SNAP23: variants seen among roughly 807,000 people sequenced by gnomAD.
SNAP23 encodes the protein synaptosome associated protein 23.
Under a neutral mutation model 29.0 loss-of-function variants are expected in SNAP23, and 11 were observed. The ratio of observed to expected loss-of-function variants is 0.38; its 90% CI spans 0.24 to 0.63. SNAP23 has a LOEUF of 0.63. Ranked by LOEUF, SNAP23 falls within the 20% of genes least tolerant of loss-of-function variation. SNAP23 has a pLI of 0.58. For synonymous variants in SNAP23, 60 were observed against 82.9 expected (o/e 0.72, Z 1.50); for missense variants, 220 against 253.9 (o/e 0.87, Z 0.91).
intron 5 of SNAP23, chr15:42,521,579 T>G (rs2057449896): frequency 6.5e-7 from 1 of 1,531,536 alleles, no homozygotes; most frequent in African/African-American, 1.4e-5. Flanking sequence ...TCTCACCTAA[T>G]CTCTTCCTTT....
intron 5 of SNAP23, among the ~76,000 whole-genome samples, chr15:42,523,237 T>C (rs1376177931): frequency 3.3e-5 from 5 of 152,154 alleles, no homozygotes; most frequent in Non-Finnish European, 7.3e-5. Flanking sequence ...AACAGTCAGT[T>C]GTAAATCTAA....
intron 1 of SNAP23, among the ~76,000 whole-genome samples, chr15:42,497,456 G>A (rs1425935144): frequency 6.6e-6 from 1 of 151,796 alleles, no homozygotes; most frequent in Non-Finnish European, 1.5e-5. Context: ...TTATCCACCG[G>A]CCTCCGCCTC....
chr15:42,525,053 A>G (rs992084232), intron 5 of SNAP23, among the ~76,000 whole-genome samples: 1 of 152,190 alleles, frequency 6.6e-6, no homozygotes, highest in East Asian at 1.9e-4. Flanking sequence ...AAACATGCCA[A>G]CACAATGCAA....
chr15:42,532,627 C>T lies in SNAP23; in HGVS notation c.*1149C>T, dbSNP rs2057577618. On this transcript the variant is annotated 3_prime_UTR_variant, in exon 8 of 8. Transcript: ENST00000249647. ...GTAACATGAGAATTTCTCTCTAAAG[C>T]AGGGCTTAAAATTTTTTGGAAAAGT... The T allele has an allele frequency of 6.6e-6, 1 of 152,524 alleles. No homozygotes were observed. The highest frequency in any genetic ancestry group is 2.4e-5 in the African/African-American group (1 of 41,410). 9.4% of individuals were successfully genotyped at this position (152,524 alleles called of 1,614,324 possible).
chr15:42,496,067 T>C (rs563476185), intron 1 of SNAP23: 40 of 152,422 alleles, frequency 2.6e-4, no homozygotes, highest in African/African-American at 8.9e-4. Context: ...AGATAATGGC[T>C]TGAGGAAGGA....
intron 6 of SNAP23, 138 bp downstream of exon 6, chr15:42,528,558 T>C: frequency 1.1e-6 from 1 of 880,682 alleles, no homozygotes; most frequent in Non-Finnish European, 1.7e-6. Context: ...TTTAAAAATC[T>C]GCCCACTGAC....
At chr15:42,513,320 T>C (rs1385677829) in intron 3 of SNAP23, 79 bp from the exon 4 acceptor site, 1 of 1,266,664 alleles carries the variant, frequency 7.9e-7, no homozygotes, top group Non-Finnish European at 1.2e-6. Flanking sequence ...TAAATTATTC[T>C]GTGTTGCTCT....
intron 5 of SNAP23, chr15:42,521,734 G>A: frequency 1.4e-6 from 1 of 709,570 alleles, no homozygotes; most frequent in Non-Finnish European, 2.4e-6. Flanking sequence ...GCTTTTCTGT[G>A]CATGTGCATG....
intron 2 of SNAP23, 150 bp downstream of exon 2, chr15:42,512,053 T>G: frequency 2.4e-6 from 1 of 417,714 alleles, no homozygotes; most frequent in Non-Finnish European, 4.3e-6. Flanking sequence ...CTGGTTTTTA[T>G]TTTCTTTTTA....
chr15:42,529,535 T>A (rs1232451064), intron 6 of SNAP23, 140 bp from the exon 7 acceptor site: 12 of 777,612 alleles, frequency 1.5e-5, no homozygotes, highest in Non-Finnish European at 2.4e-5. Flanking sequence ...ATAGAATGTT[T>A]CCCAGGAATG....
intron 1 of SNAP23, among the ~76,000 whole-genome samples, chr15:42,506,583 C>T: frequency 6.6e-6 from 1 of 152,168 alleles, no homozygotes. Context: ...TTATTTTCAG[C>T]TTCTGAAATA....
intron 5 of SNAP23, among the ~76,000 whole-genome samples, chr15:42,521,167 T>G (rs892782256): frequency 1.3e-5 from 2 of 152,198 alleles, no homozygotes; most frequent in Non-Finnish European, 2.9e-5. Context: ...CACTTGTTGA[T>G]TTGAGTGTCC....
At chr15:42,491,901 T>TTTGTTTAGTTAGTTAG (rs1802265457), upstream of SNAP23, among the ~76,000 whole-genome samples, 3 of 146,862 alleles carry the variant, frequency 2.0e-5, no homozygotes, top group Admixed American at 6.8e-5. Context: ...TATTTATTTA[T>TTTGTTTAGTTAGTTAG]TTAGTTAGTT....
At chr15:42,509,037 T>C (rs2141519106) in intron 1 of SNAP23, among the ~76,000 whole-genome samples, 2 of 152,202 alleles carry the variant, frequency 1.3e-5, no homozygotes, top group South Asian at 4.2e-4. Context: ...GGTATCTCGG[T>C]TGGGGCTTTA....
At chr15:42,517,200 G>A (rs773707482) in intron 5 of SNAP23, among the ~76,000 whole-genome samples, 3 of 152,184 alleles carry the variant, frequency 2.0e-5, no homozygotes, top group Admixed American at 1.3e-4. Flanking sequence ...GATTACATGC[G>A]TGAGCCACTG....
intron 1 of SNAP23, among the ~76,000 whole-genome samples, chr15:42,508,803 A>G (rs1248627843): frequency 1.3e-5 from 2 of 152,240 alleles, no homozygotes. Flanking sequence ...ATAGAATTAC[A>G]AAATTACATA....
At chr15:42,522,024 G>A in intron 5 of SNAP23, 1 of 175,710 alleles carries the variant, frequency 5.7e-6, no homozygotes. Flanking sequence ...GGTAAGGGAA[G>A]TCATGCTAAA....
At chr15:42,509,644 C>T (rs1479082480) in intron 1 of SNAP23, among the ~76,000 whole-genome samples, 5 of 151,886 alleles carry the variant, frequency 3.3e-5, no homozygotes, top group African/African-American at 9.7e-5. Flanking sequence ...TTCACCATGT[C>T]GATCAAGCTG....
chr15:42,491,292 G>A (rs1483351827), upstream of SNAP23: 4 of 152,414 alleles, frequency 2.6e-5, no homozygotes, highest in Non-Finnish European at 5.9e-5. Flanking sequence ...CCGCTTGCGG[G>A]AGAGTCAGTA....
Sources: allele counts gnomAD v4.1 joint callset (sites outside exome capture counted in the v4.1 genomes callset), GRCh38; gene constraint gnomAD v4.1.1; transcripts MANE v1.5; gene names NCBI Gene and HGNC (gene_info 2026-07-23, HGNC 2026-07-21).